Variants in TMEM68 observed in about 807,000 individuals in gnomAD.
TMEM68 encodes DGAT1/2-independent enzyme synthesizing storage lipids.
TMEM68 carries 25 observed loss-of-function variants against 36.9 expected under a neutral mutation model. The ratio of observed to expected loss-of-function variants is 0.68; its 90% CI spans 0.49 to 0.95. The LOEUF (loss-of-function observed/expected upper bound fraction) is 0.95, where lower values mean the gene tolerates loss of function less well. TMEM68 is among the 40% of genes least tolerant of loss of function. The probability of loss-of-function intolerance (pLI) is 0.00; values close to 1 mark genes in which losing one functional copy is unlikely to be tolerated. For missense variants in TMEM68, 333 were observed against 392.0 expected, an observed-to-expected ratio of 0.85 and a Z score of 1.27; for synonymous variants, 131 against 124.4, an observed-to-expected ratio of 1.05 and a Z score of -0.35.
rs1379317504 is a variant in TMEM68 at position 55,739,581 on chromosome 8, C to T, written c.*551G>A. On this transcript the variant is annotated 3_prime_UTR_variant, in exon 8 of 8. Coordinates refer to ENST00000434581, the MANE Select transcript of TMEM68 (RefSeq NM_001286657.2). ...TAATTATTTTATTATTTTGGTTCAA[C>T]AGTTATCAATCACAGTAAATATAAA... 1 of 152,526 alleles carries T rather than the reference C, an allele frequency of 6.6e-6. No individual in the cohort carries two copies. The highest frequency in any genetic ancestry group is 1.5e-5 in the Non-Finnish European group (1 of 68,030). The allele number at this position is 152,526 out of a possible 1,614,324, so 9.4% of individuals were successfully genotyped here. A position where few individuals can be genotyped will look rare whatever the true frequency, so the allele number is the denominator to read the frequency against.
chr8:55,741,382 G>A (rs544117020), intron 7 of TMEM68, among the ~76,000 whole-genome samples: 21 of 152,192 alleles, frequency 1.4e-4, no homozygotes, highest in Non-Finnish European at 2.4e-4. Context: ...GTTGTGTTCC[G>A]TGATGTGTAT....
chr8:55,756,755 G>A (rs1216906463), intron 3 of TMEM68, among the ~76,000 whole-genome samples: 1 of 152,118 alleles, frequency 6.6e-6, no homozygotes, highest in African/African-American at 2.4e-5. Context: ...CCTATCACAG[G>A]TTGGGGGGCT....
intron 4 of TMEM68, among the ~76,000 whole-genome samples, chr8:55,752,650 C>A (rs1457810637): frequency 2.0e-5 from 3 of 151,042 alleles, no homozygotes; most frequent in Admixed American, 6.6e-5. Context: ...ACTGATTCAA[C>A]TAGATGCATT....
At chr8:55,757,906 C>T (rs1810654448) in intron 3 of TMEM68, among the ~76,000 whole-genome samples, 1 of 152,214 alleles carries the variant, frequency 6.6e-6, no homozygotes, top group Non-Finnish European at 1.5e-5. Flanking sequence ...AAAGCCTCAC[C>T]CCTAAGCCCC....
At position 55,750,981 on chromosome 8, in the gene TMEM68, C is replaced by A. The variant is rs1024389929; in HGVS notation, c.670G>T (p.Ala224Ser). The change falls in exon 5 of 8, where the codon GCA becomes TCA. Residue 224 changes from alanine (A) to serine (S), a missense_variant. Ala to Ser is a moderately conservative substitution (Grantham distance 99). Coordinates refer to ENST00000434581, the MANE Select transcript of TMEM68 (RefSeq NM_001286657.2). Reference protein sequence around the residue: ...WGHRRGFAQVAIDAKVPIIPM... With the variant: ...WGHRRGFAQVSIDAKVPIIPM... Reference sequence around the variant, plus strand: ...TAACTCACCACTTTTGCATCAATTGCAACCTGAGCAAAGCCTCTGCGATGA... The same window carrying A: ...TAACTCACCACTTTTGCATCAATTGAAACCTGAGCAAAGCCTCTGCGATGA... 8.7e-6 allele frequency: 14 copies of A among 1,606,832 alleles called. No individual in the cohort carries two copies. Among genetic ancestry groups the A allele is most frequent in the Non-Finnish European group, 1.2e-5 (14 of 1,178,472 alleles).
chr8:55,754,623 AATAC>A (rs1441262788), intron 4 of TMEM68, among the ~76,000 whole-genome samples: 5 of 133,258 alleles, frequency 3.8e-5, no homozygotes, highest in Non-Finnish European at 6.1e-5. Flanking sequence ...TTATATATAA[AATAC>A]ATACATTATA....
chr8:55,760,068 G>T (rs938568867), intron 3 of TMEM68, among the ~76,000 whole-genome samples: 1 of 152,254 alleles, frequency 6.6e-6, no homozygotes, highest in Non-Finnish European at 1.5e-5. Context: ...TTCCAGGCTG[G>T]CTGTTTTTTC....
chr8:55,771,327 C>T (rs779441897), intron 1 of TMEM68, among the ~76,000 whole-genome samples: 1 of 152,040 alleles, frequency 6.6e-6, no homozygotes, highest in Non-Finnish European at 1.5e-5. Flanking sequence ...TTAGGCTGGG[C>T]TCAGTGGCTC....
At chr8:55,755,969 C>G (rs1166804473) in intron 4 of TMEM68, among the ~76,000 whole-genome samples, 1 of 151,182 alleles carries the variant, frequency 6.6e-6, no homozygotes, top group Non-Finnish European at 1.5e-5. Flanking sequence ...ATATTGTATG[C>G]CATAAATACA....
At chr8:55,752,373 G>C (rs1246146771) in intron 4 of TMEM68, among the ~76,000 whole-genome samples, 2 of 151,926 alleles carry the variant, frequency 1.3e-5, no homozygotes, top group African/African-American at 4.8e-5. Context: ...GACCACCTGA[G>C]GTCAGGAGTT....
intron 1 of TMEM68, among the ~76,000 whole-genome samples, chr8:55,764,703 AG>A (rs1810910897): frequency 6.6e-6 from 1 of 152,238 alleles, no homozygotes; most frequent in Admixed American, 6.5e-5. Flanking sequence ...TTATGGTTAC[AG>A]GAGATGAACA....
At position 55,757,673 on chromosome 8, in the gene TMEM68, C is replaced by T. The variant is rs11987367; in HGVS notation, c.326-1262G>A. Among the ~76,000 whole-genome samples the T allele has an allele frequency of 4.1e-3, 626 of 152,266 alleles. 6 individuals are homozygous for T. Among genetic ancestry groups the T allele is most frequent in the African/African-American group, 0.015 (605 of 41,540 alleles). ...GAACTCCACTCCCCTGCCCCACACA[C>T]TCCTCCACCCTCACCAGCCCAGTGT... On this transcript the variant is annotated intron_variant, in intron 3 of 7. Coordinates refer to ENST00000434581, the MANE Select transcript of TMEM68 (RefSeq NM_001286657.2).
chr8:55,738,869 G>A lies in TMEM68; in HGVS notation c.*1263C>T, dbSNP rs1810013737. ...TCAACATTTAAAAAAGGGAGAGGGA[G>A]ATACTGCATTTGATTTCTGACACTT... On this transcript the variant is annotated 3_prime_UTR_variant, in exon 8 of 8. Coordinates refer to ENST00000434581, the MANE Select transcript of TMEM68 (RefSeq NM_001286657.2). 1 of 152,576 alleles carries A rather than the reference G, an allele frequency of 6.6e-6. No individual in the cohort carries two copies. Among genetic ancestry groups the A allele is most frequent in the Non-Finnish European group, 1.5e-5 (1 of 68,026 alleles). 9.5% of individuals were successfully genotyped at this position (152,576 alleles called of 1,614,324 possible).
chr8:55,749,921 G>A (rs1166872921), intron 5 of TMEM68, among the ~76,000 whole-genome samples: 1 of 152,098 alleles, frequency 6.6e-6, no homozygotes, highest in Non-Finnish European at 1.5e-5. Flanking sequence ...GGATTAGAAA[G>A]AGTTATTTTC....
At chr8:55,759,510 G>A (rs1422253387) in intron 3 of TMEM68, among the ~76,000 whole-genome samples, 1 of 152,070 alleles carries the variant, frequency 6.6e-6, no homozygotes, top group East Asian at 1.9e-4. Flanking sequence ...GGCGGAGGTT[G>A]CAGTGAACTG....
intron 6 of TMEM68, among the ~76,000 whole-genome samples, chr8:55,744,496 A>T (rs1405624355): frequency 6.6e-6 from 1 of 150,990 alleles, no homozygotes; most frequent in Non-Finnish European, 1.5e-5. Flanking sequence ...TTTAGTAGAG[A>T]CGGGGTTTCA....
At chr8:55,770,313 C>A (rs1255861887) in intron 1 of TMEM68, among the ~76,000 whole-genome samples, 2 of 152,180 alleles carry the variant, frequency 1.3e-5, no homozygotes, top group Non-Finnish European at 2.9e-5. Flanking sequence ...ATACTTCTGC[C>A]TGGCCCTTCC....
chr8:55,770,497 T>C (rs988015036), intron 1 of TMEM68, among the ~76,000 whole-genome samples: 11 of 152,210 alleles, frequency 7.2e-5, no homozygotes, highest in Admixed American at 1.3e-4. Flanking sequence ...GGCAACATAC[T>C]GAGACCTTGT....
chr8:55,752,383 T>G (rs1410140757), intron 4 of TMEM68, among the ~76,000 whole-genome samples: 8 of 151,648 alleles, frequency 5.3e-5, no homozygotes, highest in Non-Finnish European at 1.0e-4. Context: ...GGTCAGGAGT[T>G]TGAGACCAGC....
Sources: allele counts gnomAD v4.1 joint callset (sites outside exome capture counted in the v4.1 genomes callset), GRCh38; gene constraint gnomAD v4.1.1; transcripts MANE v1.5; gene names NCBI Gene and HGNC (gene_info 2026-07-23, HGNC 2026-07-21).